Variants in INSL6 observed in about 807,000 individuals in gnomAD.
The protein encoded by INSL6 is insulin like 6.
A neutral mutation model predicts 9.4 loss-of-function variants in INSL6; 16 were observed. That is an observed-to-expected ratio of 1.70 (90% CI 1.15 to 2.59). The LOEUF (loss-of-function observed/expected upper bound fraction) is 2.59, where lower values mean the gene tolerates loss of function less well. Ranked by LOEUF, INSL6 falls within the 30% of genes most tolerant of loss-of-function variation. The pLI is 0.00. For synonymous variants in INSL6, 154 were observed against 96.9 expected (o/e 1.59, Z -3.46); for missense variants, 391 against 257.3 (o/e 1.52, Z -3.56).
the INSL6 span, among the ~76,000 whole-genome samples, chr9:5,076,499 T>C: frequency 6.1e-4 from 93 of 152,306 alleles, no homozygotes; most frequent in Non-Finnish European, 1.1e-3. Flanking sequence ...TTTTTGGCAA[T>C]AAAGTATTTT....
the INSL6 span, among the ~76,000 whole-genome samples, chr9:5,093,349 A>T: frequency 6.6e-6 from 1 of 152,166 alleles, no homozygotes; most frequent in African/African-American, 2.4e-5. Flanking sequence ...ACATATGTTC[A>T]ACGACCACCA....
chr9:5,015,369 A>G, the INSL6 span, among the ~76,000 whole-genome samples: 1 of 152,220 alleles, frequency 6.6e-6, no homozygotes, highest in Non-Finnish European at 1.5e-5. Context: ...AATGAAATTA[A>G]AATGATTTTC....
chr9:5,065,066 AT>A, the INSL6 span: 1 of 1,456,000 alleles, frequency 6.9e-7, no homozygotes, highest in South Asian at 1.4e-5. Flanking sequence ...TTAAAAGTAA[AT>A]TTTTAGAAAA....
the INSL6 span, chr9:5,054,924 A>G: frequency 2.9e-6 from 4 of 1,388,048 alleles, no homozygotes; most frequent in African/African-American, 1.5e-5. The surrounding 1 kb of genome is among the most constrained non-coding windows in gnomAD (Gnocchi z 4.9). Context: ...TGTTATTTTA[A>G]GTACAATGGA....
the INSL6 span, among the ~76,000 whole-genome samples, chr9:5,082,204 C>G: frequency 6.6e-6 from 1 of 152,238 alleles, no homozygotes; most frequent in Non-Finnish European, 1.5e-5. Flanking sequence ...TCTGAGTTTC[C>G]TCAGTATTTA....
Position 5,156,638 on chromosome 9 carries a change from T to C in INSL6, c.376+7541A>G, listed in dbSNP as rs145521621. Among the ~76,000 whole-genome samples the C allele has an allele frequency of 1.1e-3, 175 of 152,314 alleles. 2 individuals are homozygous for C. Among genetic ancestry groups the C allele is most frequent in the African/African-American group, 3.8e-3 (160 of 41,580 alleles). On this transcript the variant is annotated intron_variant, in intron 2 of 3. Coordinates refer to the INSL6 transcript ENST00000649639. ...TCCTAAAACTTTGCCTAGTTAATAT[T>C]GCATTCTCTAGTTAATGTTGCACTG...
chr9:5,131,080 A>G (rs547033686), intron 3 of INSL6, among the ~76,000 whole-genome samples: 45 of 152,304 alleles, frequency 3.0e-4, no homozygotes, highest in Admixed American at 3.9e-4. Context: ...GTTGGAATTT[A>G]TTTACTGAAA....
the INSL6 span, among the ~76,000 whole-genome samples, chr9:5,064,555 C>T: frequency 6.6e-6 from 1 of 151,436 alleles, no homozygotes; most frequent in African/African-American, 2.4e-5. Context: ...AAAGGAAATG[C>T]TCATGATTTC....
chr9:5,168,417 C>T (rs1463765707), intron 1 of INSL6, among the ~76,000 whole-genome samples: 1 of 152,056 alleles, frequency 6.6e-6, no homozygotes, highest in African/African-American at 2.4e-5. Context: ...AACACGTGAA[C>T]TTCACGATGC....
chr9:5,033,807 C>T, the INSL6 span, among the ~76,000 whole-genome samples: 13,733 of 152,100 alleles, frequency 0.09, 1,859 homozygotes, highest in African/African-American at 0.3. Flanking sequence ...TAAAGACCAT[C>T]GAGGCTAGGA....
chr9:5,170,115 C>A (rs757982143), intron 1 of INSL6, among the ~76,000 whole-genome samples: 1 of 152,144 alleles, frequency 6.6e-6, no homozygotes, highest in Non-Finnish European at 1.5e-5. Context: ...AAACACTCCT[C>A]AGCAAATGCA....
intron 3 of INSL6, among the ~76,000 whole-genome samples, chr9:5,132,461 T>C (rs1016033878): frequency 2.0e-5 from 3 of 152,182 alleles, no homozygotes; most frequent in African/African-American, 7.2e-5. Context: ...ATACCTTGGT[T>C]CTAGTAATTG....
intron 2 of INSL6, among the ~76,000 whole-genome samples, chr9:5,142,679 T>C (rs1031237801): frequency 1.3e-5 from 2 of 152,116 alleles, no homozygotes; most frequent in Admixed American, 6.6e-5. Flanking sequence ...CTCTTCCTAT[T>C]TGAATACTCT....
At chr9:5,051,623 C>G in the INSL6 span, among the ~76,000 whole-genome samples, 4 of 152,056 alleles carry the variant, frequency 2.6e-5, no homozygotes, top group African/African-American at 9.7e-5. Context: ...TAATATAAAA[C>G]TGCTTTTTAA....
intron 2 of INSL6, among the ~76,000 whole-genome samples, chr9:5,145,998 T>A (rs1204792619): frequency 6.6e-6 from 1 of 152,180 alleles, no homozygotes; most frequent in Admixed American, 6.5e-5. Context: ...GGAGAAGTGA[T>A]GTGGTCATTT....
the INSL6 span, among the ~76,000 whole-genome samples, chr9:4,998,973 C>T: frequency 1.3e-5 from 2 of 151,500 alleles, no homozygotes; most frequent in East Asian, 3.9e-4. Flanking sequence ...AGGTGCCCGC[C>T]ACCACGCCCG....
At chr9:4,998,914 C>A in the INSL6 span, among the ~76,000 whole-genome samples, 1 of 151,958 alleles carries the variant, frequency 6.6e-6, no homozygotes, top group Non-Finnish European at 1.5e-5. Context: ...CTCCGCCTCC[C>A]GGGTTCACGC....
chr9:5,069,771 T>A, the INSL6 span, among the ~76,000 whole-genome samples: 2,292 of 152,232 alleles, frequency 0.015, 70 homozygotes, highest in African/African-American at 0.053. Context: ...TTCAATGAGT[T>A]GACCCCTAAA....
intron 2 of INSL6, among the ~76,000 whole-genome samples, chr9:5,142,106 T>G (rs772480128): frequency 2.0e-5 from 3 of 152,240 alleles, no homozygotes; most frequent in Non-Finnish European, 4.4e-5. Context: ...CCATATTATT[T>G]TGGTTACTAT....
Sources: gnomAD v4.1 joint callset for allele counts (sites outside exome capture counted in the v4.1 genomes callset) on GRCh38, gnomAD v4.1.1 for gene constraint, Gnocchi (gnomAD v3.1) non-coding constraint, MANE v1.5 for transcripts, NCBI Gene and HGNC (gene_info 2026-07-23, HGNC 2026-07-21) for gene names.